The following NALF1 variants were observed in gnomAD, a reference collection of about 807,000 sequenced individuals.
NALF1 encodes the protein family with sequence similarity 155 member A.
A neutral mutation model predicts 48.4 loss-of-function variants in NALF1; 3 were observed. The observed-to-expected ratio is 0.06, with a 90% CI of 0.03 to 0.16. NALF1 has a LOEUF of 0.16. Ranked by LOEUF, NALF1 falls within the 10% of genes least tolerant of loss-of-function variation. NALF1 has a pLI of 1.00. For missense variants in NALF1, 526 were observed against 571.5 expected (o/e 0.92, Z 0.81); for synonymous variants, 262 against 245.7 (o/e 1.07, Z -0.62).
intron 1 of NALF1, among the ~76,000 whole-genome samples, chr13:107,281,980 A>G (rs1207145046): frequency 6.6e-6 from 1 of 152,192 alleles, no homozygotes; most frequent in Non-Finnish European, 1.5e-5. Context: ...GGAGATTATA[A>G]TTCAAGATGA....
chr13:107,585,180 A>G (rs771732014), intron 1 of NALF1, among the ~76,000 whole-genome samples: 1 of 152,154 alleles, frequency 6.6e-6, no homozygotes, highest in Non-Finnish European at 1.5e-5. Flanking sequence ...ACTCCTAATA[A>G]TCAGTTGTTT....
At chr13:107,839,655 A>T (rs1383848456) in intron 1 of NALF1, among the ~76,000 whole-genome samples, 3 of 150,888 alleles carry the variant, frequency 2.0e-5, no homozygotes, top group Admixed American at 6.7e-5. Context: ...TCCTGGGTTT[A>T]GAGTGGGGAA....
intron 1 of NALF1, among the ~76,000 whole-genome samples, chr13:107,855,440 T>C (rs1880420528): frequency 6.6e-6 from 1 of 152,250 alleles, no homozygotes; most frequent in Admixed American, 6.5e-5. Context: ...TCTTCCAATG[T>C]GGCCCCCAGA....
intron 1 of NALF1, among the ~76,000 whole-genome samples, chr13:107,656,765 C>CT (rs1880586897): frequency 6.6e-6 from 1 of 152,124 alleles, no homozygotes; most frequent in African/African-American, 2.4e-5. Flanking sequence ...GCCCAAATGT[C>CT]TATCAATCAA....
chr13:107,206,787 T>C (rs1879652822), intron 2 of NALF1, among the ~76,000 whole-genome samples: 1 of 152,218 alleles, frequency 6.6e-6, no homozygotes, highest in African/African-American at 2.4e-5. Context: ...GATGCTCACA[T>C]GGACAGTATC....
intron 2 of NALF1, among the ~76,000 whole-genome samples, chr13:107,185,585 A>G (rs1302259631): frequency 6.6e-6 from 1 of 152,022 alleles, no homozygotes; most frequent in African/African-American, 2.4e-5. Context: ...AATATCACCA[A>G]TATTGAGGTC....
intron 1 of NALF1, among the ~76,000 whole-genome samples, chr13:107,609,818 T>C (rs376090311): frequency 6.6e-5 from 10 of 152,114 alleles, no homozygotes; most frequent in East Asian, 5.8e-4. Flanking sequence ...TATATCCACA[T>C]CACAGACAAA....
intron 1 of NALF1, among the ~76,000 whole-genome samples, chr13:107,464,766 C>T (rs537581348): frequency 2.7e-4 from 41 of 152,146 alleles, no homozygotes; most frequent in East Asian, 9.7e-4. Flanking sequence ...GTGATCTGCC[C>T]GCCTCGGCCT....
intron 1 of NALF1, among the ~76,000 whole-genome samples, chr13:107,337,514 C>T (rs1882583322): frequency 6.6e-6 from 1 of 151,992 alleles, no homozygotes; most frequent in South Asian, 2.1e-4. Flanking sequence ...CCCCTGAGTG[C>T]CATTAATGCT....
chr13:107,260,947 T>C (rs1180492568), intron 1 of NALF1, among the ~76,000 whole-genome samples: 1 of 152,164 alleles, frequency 6.6e-6, no homozygotes, highest in Admixed American at 6.5e-5. Context: ...CACGATCCTC[T>C]CTTCTTTTCT....
chr13:107,258,708 A>G (rs1203764214), intron 1 of NALF1, among the ~76,000 whole-genome samples: 2 of 152,194 alleles, frequency 1.3e-5, no homozygotes, highest in African/African-American at 4.8e-5. Context: ...CTTATCCTAT[A>G]TTGACAAAAT....
chr13:107,665,152 A>T (rs985995766), intron 1 of NALF1, among the ~76,000 whole-genome samples: 1 of 152,108 alleles, frequency 6.6e-6, no homozygotes, highest in Non-Finnish European at 1.5e-5. Context: ...GTCTGTACTC[A>T]AGATTAATTT....
intron 1 of NALF1, among the ~76,000 whole-genome samples, chr13:107,447,262 TG>T (rs1884666001): frequency 6.6e-6 from 1 of 152,180 alleles, no homozygotes; most frequent in South Asian, 2.1e-4. Flanking sequence ...TTTGTTTATT[TG>T]TATTTATCTC....
At chr13:107,380,488 C>T (rs1883414610) in intron 1 of NALF1, among the ~76,000 whole-genome samples, 1 of 152,116 alleles carries the variant, frequency 6.6e-6, no homozygotes. Context: ...AGTACTAAGT[C>T]AAAGCAGTTT....
In NALF1 at chr13:107,272,244, G is replaced by A. The variant is rs1459036193; in HGVS notation, c.916-61489C>T. 2.0e-4 allele frequency among the ~76,000 whole-genome samples: 2 copies of A among 10,150 alleles called. 1 individual carries two copies. The highest frequency in any genetic ancestry group is 3.8e-4 in the African/African-American group (2 of 5,204). The allele number at this position is 10,150 out of a possible 152,430, so 6.7% of individuals were successfully genotyped here. On this transcript the variant is annotated intron_variant, in intron 1 of 2. Transcript: ENST00000375915. ...TTTTTTTGAGACGGAGTCTCGCTCT[G>A]TCGCCCAGGCCGGACTGCGGACTGC...
intron 1 of NALF1, among the ~76,000 whole-genome samples, chr13:107,768,258 G>A (rs755719130): frequency 1.3e-5 from 2 of 152,168 alleles, no homozygotes; most frequent in Non-Finnish European, 2.9e-5. Flanking sequence ...TAAATGGATA[G>A]TAATTTGTTT....
chr13:107,696,254 C>T (rs978477981), intron 1 of NALF1, among the ~76,000 whole-genome samples: 17 of 152,128 alleles, frequency 1.1e-4, no homozygotes, highest in African/African-American at 4.1e-4. Flanking sequence ...GATTGTGAGA[C>T]TTAAAACAAT....
At chr13:107,295,091 C>A (rs545667748) in intron 1 of NALF1, among the ~76,000 whole-genome samples, 2 of 152,090 alleles carry the variant, frequency 1.3e-5, no homozygotes, top group African/African-American at 4.8e-5. Flanking sequence ...TTGAACCCAT[C>A]ACCCAGGTCG....
intron 1 of NALF1, among the ~76,000 whole-genome samples, chr13:107,418,772 T>C (rs1231593279): frequency 4.6e-5 from 7 of 152,172 alleles, no homozygotes; most frequent in Non-Finnish European, 1.0e-4. Flanking sequence ...ACTCAATGTT[T>C]AGTTCCCATT....
Sources: gnomAD v4.1 joint callset for allele counts (sites outside exome capture counted in the v4.1 genomes callset) on GRCh38, gnomAD v4.1.1 for gene constraint, MANE v1.5 for transcripts, NCBI Gene and HGNC (gene_info 2026-07-23, HGNC 2026-07-21) for gene names.